PLSCR4: variants seen among roughly 807,000 people sequenced by gnomAD.
PLSCR4 encodes the protein phospholipid scramblase 4.
Under a neutral mutation model 36.3 loss-of-function variants are expected in PLSCR4, and 25 were observed. The observed-to-expected ratio is 0.69, with a 90% CI of 0.50 to 0.96. PLSCR4 has a LOEUF of 0.96. PLSCR4 is among the 40% of genes least tolerant of loss of function. PLSCR4 has a pLI of 0.00. For missense variants in PLSCR4, 408 were observed against 414.7 expected (o/e 0.98, Z 0.14); for synonymous variants, 122 against 132.9 (o/e 0.92, Z 0.56).
intron 1 of PLSCR4, among the ~76,000 whole-genome samples, chr3:146,242,209 C>A (rs977452499): frequency 6.6e-6 from 1 of 152,174 alleles, no homozygotes; most frequent in African/African-American, 2.4e-5. Context: ...CTCGGTGGAG[C>A]TCTCTGAAAC....
At chr3:146,208,341 C>T (rs1322611127) in intron 3 of PLSCR4, among the ~76,000 whole-genome samples, 1 of 151,778 alleles carries the variant, frequency 6.6e-6, no homozygotes, top group Non-Finnish European at 1.5e-5. Context: ...AAGATAATAT[C>T]AGAAAAACCC....
At chr3:146,238,994 T>C (rs929574831) in intron 1 of PLSCR4, among the ~76,000 whole-genome samples, 1 of 152,116 alleles carries the variant, frequency 6.6e-6, no homozygotes, top group African/African-American at 2.4e-5. Context: ...ATCAATTACA[T>C]TTATAATAGT....
intron 1 of PLSCR4, among the ~76,000 whole-genome samples, chr3:146,242,907 A>G (rs2036207047): frequency 2.0e-5 from 3 of 152,184 alleles, no homozygotes; most frequent in Admixed American, 6.5e-5. Flanking sequence ...GCAACTGGAA[A>G]ATACATTGTC....
rs551039999 is a variant in PLSCR4 at position 146,195,554 on chromosome 3, C to T, written c.787-272G>A. ...CTTTTAAGAAGAGGTATGATTTGAA[C>T]TGATTATGAAATTCTTCTCAACATA... is the stretch of plus-strand genomic sequence containing the variant. On this transcript the variant is annotated intron_variant, in intron 7 of 8. Coordinates refer to ENST00000354952, the MANE Select transcript of PLSCR4 (RefSeq NM_020353.3). Among the ~76,000 whole-genome samples the T allele has an allele frequency of 1.1e-4, 16 of 152,242 alleles. No homozygotes were observed. The South Asian group carries it at 3.3e-3, about 32-fold the overall frequency.
intron 1 of PLSCR4, among the ~76,000 whole-genome samples, chr3:146,226,200 G>T (rs1446863788): frequency 6.6e-6 from 1 of 152,156 alleles, no homozygotes; most frequent in Non-Finnish European, 1.5e-5. Context: ...TTCTATTAGG[G>T]TGATAAGAAC....
chr3:146,232,309 G>T (rs542371110), intron 1 of PLSCR4, among the ~76,000 whole-genome samples: 1 of 152,030 alleles, frequency 6.6e-6, no homozygotes, highest in Admixed American at 6.6e-5. Flanking sequence ...GTTTAGGATC[G>T]CTTTGGCTAT....
intron 3 of PLSCR4, 83 bp downstream of exon 3, chr3:146,220,732 T>G: frequency 1.2e-6 from 1 of 809,904 alleles, no homozygotes; most frequent in Non-Finnish European, 2.1e-6. Context: ...ATCAGTCAAT[T>G]AATTTGTTCG....
chr3:146,233,765 C>G (rs1335064475), intron 1 of PLSCR4, among the ~76,000 whole-genome samples: 4 of 152,022 alleles, frequency 2.6e-5, no homozygotes, highest in African/African-American at 4.8e-5. Flanking sequence ...TTCAAAAAAC[C>G]AGCATCAGAG....
At chr3:146,213,292 T>C (rs2108266300) in intron 3 of PLSCR4, among the ~76,000 whole-genome samples, 1 of 152,000 alleles carries the variant, frequency 6.6e-6, no homozygotes, top group Middle Eastern at 3.4e-3. Context: ...ACATTGTAAA[T>C]GACTGGTATT....
At chr3:146,197,226 C>T (rs1828652) in intron 6 of PLSCR4, among the ~76,000 whole-genome samples, 62,647 of 151,948 alleles carry the variant, frequency 0.41, 13,340 homozygotes, top group African/African-American at 0.51. Flanking sequence ...TCAAGGCTTA[C>T]TGTTGATACT....
chr3:146,196,522 C>A (rs2033750458), intron 7 of PLSCR4, 110 bp downstream of exon 7: 3 of 988,886 alleles, frequency 3.0e-6, no homozygotes, highest in South Asian at 1.6e-5. Context: ...TCTTTCCTAA[C>A]ACTATGTTAT....
rs1034235430 is a variant in PLSCR4, at chr3:146,213,275, A to G, written c.119-6514T>C. 1.5e-4 allele frequency among the ~76,000 whole-genome samples: 22 copies of G among 151,410 alleles called. No individual in the cohort carries two copies. The East Asian group carries it at 4.1e-3, about 28-fold the overall frequency. On this transcript the variant is annotated intron_variant, in intron 3 of 8. Coordinates refer to ENST00000354952, the MANE Select transcript of PLSCR4 (RefSeq NM_020353.3). The stretch of plus-strand genomic sequence containing the variant: ...AAGAATTCATTCTTCTTTCATTTCT[A>G]TGGAAGACATTGTAAATGACTGGTA...
chr3:146,250,491 G>T (rs2036503244), intron 1 of PLSCR4: 1 of 152,072 alleles, frequency 6.6e-6, no homozygotes, highest in Non-Finnish European at 1.5e-5. Flanking sequence ...AAGAGAGAGG[G>T]ATTCTCTCCT....
chr3:146,211,883 TAG>T (rs1161190581), intron 3 of PLSCR4, among the ~76,000 whole-genome samples: 1 of 152,160 alleles, frequency 6.6e-6, no homozygotes, highest in Non-Finnish European at 1.5e-5. Context: ...GTTTATTTCT[TAG>T]ACTCTCAATT....
At chr3:146,215,613 T>A (rs2034855484) in intron 3 of PLSCR4, among the ~76,000 whole-genome samples, 1 of 152,182 alleles carries the variant, frequency 6.6e-6, no homozygotes, top group Admixed American at 6.5e-5. Context: ...CTTTTCCTTG[T>A]AATGTGTGTA....
At chr3:146,226,676 T>C (rs868137083) in intron 1 of PLSCR4, among the ~76,000 whole-genome samples, 20 of 152,282 alleles carry the variant, frequency 1.3e-4, no homozygotes, top group African/African-American at 4.8e-4. Flanking sequence ...TTTAACACAG[T>C]TCCAGGTGAT....
At chr3:146,247,142 G>A (rs1172127574) in intron 1 of PLSCR4, among the ~76,000 whole-genome samples, 6 of 151,906 alleles carry the variant, frequency 3.9e-5, no homozygotes, top group Non-Finnish European at 8.8e-5. Flanking sequence ...TATTTAACTG[G>A]CTGCCTAATG....
chr3:146,242,704 C>T (rs558983798), intron 1 of PLSCR4, among the ~76,000 whole-genome samples: 1 of 152,184 alleles, frequency 6.6e-6, no homozygotes, highest in East Asian at 1.9e-4. Context: ...AACCAGAGAC[C>T]CAGAACCTGT....
chr3:146,232,615 T>A (rs917073127), intron 1 of PLSCR4, among the ~76,000 whole-genome samples: 5 of 152,166 alleles, frequency 3.3e-5, no homozygotes, highest in Admixed American at 3.3e-4. Flanking sequence ...GTGAATGGTA[T>A]TGCATTCTTG....
Sources: gnomAD v4.1 joint callset for allele counts (sites outside exome capture counted in the v4.1 genomes callset) on GRCh38, gnomAD v4.1.1 for gene constraint, MANE v1.5 for transcripts, NCBI Gene and HGNC (gene_info 2026-07-23, HGNC 2026-07-21) for gene names.